Variants in RAX2 observed in about 807,000 individuals in gnomAD.
The protein encoded by RAX2 is retina and anterior neural fold homeobox 2, also known as retina and anterior neural fold homeobox protein 2.
A neutral mutation model predicts 5.8 loss-of-function variants in RAX2; 4 were observed. The ratio of observed to expected loss-of-function variants is 0.69; its 90% confidence interval spans 0.34 to 1.58. The LOEUF (loss-of-function observed/expected upper bound fraction) is 1.58, where lower values mean the gene tolerates loss of function less well. RAX2 is among the 40% of genes most tolerant of loss of function. The probability of loss-of-function intolerance (pLI) is 0.05; values close to 1 mark genes in which losing one functional copy is unlikely to be tolerated. For missense variants in RAX2, 275 were observed against 271.4 expected, an observed-to-expected ratio of 1.01 and a Z score of -0.09; for synonymous variants, 133 against 128.8, an observed-to-expected ratio of 1.03 and a Z score of -0.22.
chr19:3,771,020 G>T lies in RAX2; in HGVS notation c.217-61C>A. On this transcript the variant is annotated intron_variant, in intron 2 of 2. Transcript: ENST00000555633. The surrounding 1 kb of genome is among the most constrained non-coding windows in gnomAD (Gnocchi z 4.2). ...GCTCAGCCGCTCCCCGCCAATCCTC[G>T]GACCCCCTCTGCACACCCCAGCCCT... is the stretch of plus-strand genomic sequence containing the variant. 7.5e-7 allele frequency: 1 copy of T among 1,337,168 alleles called. No homozygotes were observed. 82.8% of individuals were successfully genotyped at this position (1,337,168 alleles called of 1,614,324 possible).
In RAX2 at chr19:3,771,370, C is replaced by T. The variant is rs146659569; in HGVS notation, c.216+157G>A. 2.6e-5 allele frequency among the ~76,000 whole-genome samples: 4 copies of T among 152,278 alleles called. No homozygotes were observed. Among genetic ancestry groups the T allele is most frequent in the Non-Finnish European group, 5.9e-5 (4 of 68,016 alleles). On this transcript the variant is annotated intron_variant, in intron 2 of 2. Transcript: ENST00000555633. This position sits in a 1 kb window ranked among gnomAD's most constrained non-coding sequence, Gnocchi z 4.2. The stretch of plus-strand genomic sequence containing the variant: ...AACTCCCCTTTTCCTTCCCAGCTGG[C>T]ACACTCCTACTCAAATGTCAAAACC...
chr19:3,771,718 G>A lies in RAX2; in HGVS notation c.25C>T (p.Pro9Ser), dbSNP rs1181819192. MFLSPGEG[P>S]ATEGGGLGPG... Reference sequence around the variant, plus strand: ...CCCAGACCCCCACCCTCGGTTGCCGGCCCCTCGCCCGGGCTCAGGAACATG... The same window carrying A: ...CCCAGACCCCCACCCTCGGTTGCCGACCCCTCGCCCGGGCTCAGGAACATG... The change falls in exon 2 of 3, where the codon CCG becomes TCG. Residue 9 changes from proline (P) to serine (S), a missense_variant. Transcript: ENST00000555633. The surrounding 1 kb of genome is among the most constrained non-coding windows in gnomAD (Gnocchi z 4.2). 1 of 1,607,040 alleles carries A rather than the reference G, an allele frequency of 6.2e-7. No homozygotes were observed. Among genetic ancestry groups the A allele is most frequent in the Admixed American group, 1.7e-5 (1 of 59,790 alleles).
rs759617501 is a variant in RAX2, at chr19:3,771,762, G to A, written c.-20C>T. The A allele has an allele frequency of 3.7e-5, 59 of 1,575,462 alleles. No individual in the cohort carries two copies. Among genetic ancestry groups the A allele is most frequent in the African/African-American group, 5.4e-5 (4 of 74,410 alleles). On this transcript the variant is annotated 5_prime_UTR_variant, in exon 2 of 3. Coordinates refer to ENST00000555633, the MANE Select transcript of RAX2 (RefSeq NM_001319074.4). The surrounding 1 kb of genome is among the most constrained non-coding windows in gnomAD (Gnocchi z 4.2). ...GAACATGGCTCCCACCTGGTGGGAC[G>A]GCAGCGGGACAGATGGTGGGGAGAC...
At position 3,769,644 on chromosome 19, in the gene RAX2, A is replaced by C. The variant is rs956803181; in HGVS notation, c.*977T>G. ...AGGTGGCGCTGGCCCAGACTGTCCC[A>C]TCCCATGCCTCAGGGCCCCCTCCTG... On this transcript the variant is annotated 3_prime_UTR_variant, in exon 3 of 3. Coordinates refer to ENST00000555633, the MANE Select transcript of RAX2 (RefSeq NM_001319074.4). 6.6e-6 allele frequency: 1 copy of C among 152,612 alleles called. No individual in the cohort carries two copies. The highest frequency in any genetic ancestry group is 1.5e-5 in the Non-Finnish European group (1 of 68,398). 9.5% of individuals were successfully genotyped at this position (152,612 alleles called of 1,614,324 possible).
Position 3,772,008 on chromosome 19 carries a change from G to T in RAX2, c.-266C>A. ...CTCTTCCCCTCTCTGTGACTGTCAC[G>T]GCCTGTGTGTGTGTGTGTCGGCGGG... On this transcript the variant is annotated splice_region_variant and 5_prime_UTR_variant, in exon 2 of 3. Coordinates refer to ENST00000555633, the MANE Select transcript of RAX2 (RefSeq NM_001319074.4). 1 of 556,886 alleles carries T rather than the reference G, an allele frequency of 1.8e-6. No individual in the cohort carries two copies. The highest frequency in any genetic ancestry group is 3.2e-6 in the Non-Finnish European group (1 of 313,022). The allele number at this position is 556,886 out of a possible 1,614,324, so 34.5% of individuals were successfully genotyped here. A position where few individuals can be genotyped will look rare whatever the true frequency, so the allele number is the denominator to read the frequency against.
At position 3,770,566 on chromosome 19, in the gene RAX2, G is replaced by T; in HGVS notation, c.*55C>A. 1 of 1,474,826 alleles carries T rather than the reference G, an allele frequency of 6.8e-7. No homozygotes were observed. Among genetic ancestry groups the T allele is most frequent in the Non-Finnish European group, 9.1e-7 (1 of 1,099,012 alleles). The allele number at this position is 1,474,826 out of a possible 1,614,324, so 91.4% of individuals were successfully genotyped here. A position where few individuals can be genotyped will look rare whatever the true frequency, so the allele number is the denominator to read the frequency against. On this transcript the variant is annotated 3_prime_UTR_variant, in exon 3 of 3. Transcript: ENST00000555633. ...CCAAGGCGTGGTGGCTGTCACCAGG[G>T]CACGTCCCCGGTTCTCGGGTTGGGC...
In RAX2 at chr19:3,769,323, A is replaced by G. The variant is rs2037224953; in HGVS notation, c.*1298T>C. ...TGCTGTGTCACCCAGGCTGGTCTCA[A>G]GCAATCCTCCCACCTCAGCCTCCCA... On this transcript the variant is annotated 3_prime_UTR_variant, in exon 3 of 3. Transcript: ENST00000555633. 6.6e-6 allele frequency: 1 copy of G among 152,198 alleles called. No homozygotes were observed. The highest frequency in any genetic ancestry group is 1.5e-5 in the Non-Finnish European group (1 of 68,098). 9.4% of individuals were successfully genotyped at this position (152,198 alleles called of 1,614,324 possible).
At position 3,771,854 on chromosome 19, in the gene RAX2, A is replaced by G; in HGVS notation, c.-112T>C. ...AGGCTTGCCTCCCGGCTCCGGGGAA[A>G]TCGGTTCCCTCCACTGGGGCCGGCA... is the stretch of plus-strand genomic sequence containing the variant. On this transcript the variant is annotated 5_prime_UTR_variant, in exon 2 of 3. Coordinates refer to ENST00000555633, the MANE Select transcript of RAX2 (RefSeq NM_001319074.4). The surrounding 1 kb of genome is among the most constrained non-coding windows in gnomAD (Gnocchi z 4.2). 2.1e-6 allele frequency: 3 copies of G among 1,458,772 alleles called. No individual in the cohort carries two copies. Among genetic ancestry groups the G allele is most frequent in the Non-Finnish European group, 2.7e-6 (3 of 1,107,274 alleles). 90.4% of individuals were successfully genotyped at this position (1,458,772 alleles called of 1,614,324 possible).
chr19:3,771,031 G>T lies in RAX2; in HGVS notation c.217-72C>A. On this transcript the variant is annotated intron_variant, in intron 2 of 2. Coordinates refer to ENST00000555633, the MANE Select transcript of RAX2 (RefSeq NM_001319074.4). The surrounding 1 kb of genome is among the most constrained non-coding windows in gnomAD (Gnocchi z 4.2). ...CCCCGCCAATCCTCGGACCCCCTCTGCACACCCCAGCCCTGGGGGTTCTGA... is the reference window on the plus strand; with the variant it reads ...CCCCGCCAATCCTCGGACCCCCTCTTCACACCCCAGCCCTGGGGGTTCTGA... 8.3e-7 allele frequency: 1 copy of T among 1,199,366 alleles called. No individual in the cohort carries two copies. The highest frequency in any genetic ancestry group is 1.2e-6 in the Non-Finnish European group (1 of 843,142). 74.3% of individuals were successfully genotyped at this position (1,199,366 alleles called of 1,614,324 possible). A position where few individuals can be genotyped will look rare whatever the true frequency, so the allele number is the denominator to read the frequency against.
rs1230148971 is a variant in RAX2, at chr19:3,770,730, T to C, written c.446A>G (p.His149Arg). 9 of 1,534,822 alleles carry C rather than the reference T, an allele frequency of 5.9e-6. No homozygotes were observed. Among genetic ancestry groups the C allele is most frequent in the Non-Finnish European group, 7.9e-6 (9 of 1,146,110 alleles). The change falls in exon 3 of 3, where the codon CAT (histidine) becomes CGT (arginine). Residue 149 changes from histidine (H) to arginine (R), a missense_variant. Physicochemically the swap from His to Arg is conservative, Grantham distance 29. Coordinates refer to ENST00000555633, the MANE Select transcript of RAX2 (RefSeq NM_001319074.4). ...ATCTGCGAAGGTGGGAGCAAAGGCA[T>C]GAGGCCCGAAGGACGCTTGCAGCCC... ...GPGLQASFGP[H>R]AFAPTFADGF...
At position 3,770,885 on chromosome 19, in the gene RAX2, A is replaced by G. The variant is rs1294479513; in HGVS notation, c.291T>C (p.Ala97=). ...RLESGSGAVA[A]PRLPEAPALP... The stretch of plus-strand genomic sequence containing the variant: ...GCGCTGGGGCCTCGGGGAGTCTCGG[A>G]GCTGCCACGGCACCCGAGCCTGACT... The change falls in exon 3 of 3, where the codon GCT becomes GCC. Residue 97 remains alanine, a synonymous_variant. Coordinates refer to ENST00000555633, the MANE Select transcript of RAX2 (RefSeq NM_001319074.4). The G allele has an allele frequency of 1.3e-5, 20 of 1,539,426 alleles. No homozygotes were observed. Among genetic ancestry groups the G allele is most frequent in the Non-Finnish European group, 1.7e-5 (19 of 1,149,316 alleles).
Position 3,770,470 on chromosome 19 carries a change from GTC to G in RAX2, c.*149_*150del, listed in dbSNP as rs765073500. The stretch of plus-strand genomic sequence containing the variant: ...ATGGGGGCAGGGAACCCAGCAGCCT[GTC>G]TCTCTGGTCCCGCTCCCCAGTGGTG... On this transcript the variant is annotated 3_prime_UTR_variant, in exon 3 of 3. Transcript: ENST00000555633. 4 of 644,818 alleles carry G rather than the reference GTC, an allele frequency of 6.2e-6. No homozygotes were observed. The Admixed American group carries it at 9.5e-5, about 15-fold the overall frequency. The allele number at this position is 644,818 out of a possible 1,614,324, so 39.9% of individuals were successfully genotyped here. A position where few individuals can be genotyped will look rare whatever the true frequency, so the allele number is the denominator to read the frequency against.
At position 3,770,206 on chromosome 19, in the gene RAX2, G is replaced by A. The variant is rs1421119688; in HGVS notation, c.*415C>T. The A allele has an allele frequency of 6.4e-5, 13 of 203,018 alleles. No individual in the cohort carries two copies. The highest frequency in any genetic ancestry group is 4.0e-4 in the Admixed American group (7 of 17,652). The allele number at this position is 203,018 out of a possible 1,614,324, so 12.6% of individuals were successfully genotyped here. On this transcript the variant is annotated 3_prime_UTR_variant, in exon 3 of 3. Coordinates refer to ENST00000555633, the MANE Select transcript of RAX2 (RefSeq NM_001319074.4). ...GGAGAGTGGGCAGCTCTGCTGATGGGGATTAGGAGAAGCAGAGAGATTTAC... is the reference window on the plus strand; with the variant it reads ...GGAGAGTGGGCAGCTCTGCTGATGGAGATTAGGAGAAGCAGAGAGATTTAC...
rs1203554366 is a variant in RAX2 at position 3,769,833 on chromosome 19, G to C, written c.*788C>G. On this transcript the variant is annotated 3_prime_UTR_variant, in exon 3 of 3. Coordinates refer to ENST00000555633, the MANE Select transcript of RAX2 (RefSeq NM_001319074.4). ...GGCCTGGGGTCTGTGGGGACGTGAG[G>C]AACGGTCTGACGATGACGACACACC... The C allele has an allele frequency of 6.5e-6, 1 of 152,758 alleles. No homozygotes were observed. Among genetic ancestry groups the C allele is most frequent in the Non-Finnish European group, 1.5e-5 (1 of 68,512 alleles). 9.5% of individuals were successfully genotyped at this position (152,758 alleles called of 1,614,324 possible).
rs374872032 is a variant in RAX2, at chr19:3,771,565, G to A, written c.178C>T (p.Leu60=). Residue 60 remains leucine (L), a synonymous_variant, in exon 2 of 3, where the codon CTG becomes TTG. Transcript: ENST00000555633. This position sits in a 1 kb window ranked among gnomAD's most constrained non-coding sequence, Gnocchi z 4.2. ...HYPDVYSREE[L]AAKVHLPEVR... is the part of the protein sequence containing the mutation. ...TCAGGTAGGTGCACCTTGGCTGCCAGCTCCTCACGGCTGTACACATCCGGG... is the reference window on the plus strand; with the variant it reads ...TCAGGTAGGTGCACCTTGGCTGCCAACTCCTCACGGCTGTACACATCCGGG... 2.2e-5 allele frequency: 36 copies of A among 1,609,762 alleles called. No individual in the cohort carries two copies. Among genetic ancestry groups the A allele is most frequent in the Non-Finnish European group, 2.9e-5 (34 of 1,178,592 alleles).
rs553002220 is a variant in RAX2, at chr19:3,771,673, T to C, written c.70A>G (p.Lys24Glu). Reference sequence around the variant, plus strand: ...GTGCGGTTCCTCCGGTGCTTCTTCTTGGGGGCCTCCTCGCCCGGCCCCAGA... The same window carrying C: ...GTGCGGTTCCTCCGGTGCTTCTTCTCGGGGGCCTCCTCGCCCGGCCCCAGA... Reference protein sequence around the residue: ...GGLGPGEEAPKKKHRRNRTTF... With the variant: ...GGLGPGEEAPEKKHRRNRTTF... Residue 24 changes from lysine to glutamate, a missense_variant, in exon 2 of 3, where the codon AAG (lysine) becomes GAG (glutamate). Lys to Glu is a moderately conservative substitution (Grantham distance 56). Coordinates refer to ENST00000555633, the MANE Select transcript of RAX2 (RefSeq NM_001319074.4). The surrounding 1 kb of genome is among the most constrained non-coding windows in gnomAD (Gnocchi z 4.2). 2.5e-6 allele frequency: 4 copies of C among 1,613,166 alleles called. No individual in the cohort carries two copies. Among genetic ancestry groups the C allele is most frequent in the South Asian group, 1.1e-5 (1 of 91,052 alleles).
Position 3,771,949 on chromosome 19 carries a change from TC to T in RAX2, c.-208del. The T allele has an allele frequency of 2.3e-6, 2 of 875,326 alleles. No individual in the cohort carries two copies. Among genetic ancestry groups the T allele is most frequent in the Non-Finnish European group, 3.4e-6 (2 of 590,218 alleles). The allele number at this position is 875,326 out of a possible 1,614,324, so 54.2% of individuals were successfully genotyped here. ...CTCCTGCTGTGCCTCTGTCTGCTCT[TC>T]CTTCTCTCTGTGTGTGTCACCGTCC... is the stretch of plus-strand genomic sequence containing the variant. On this transcript the variant is annotated 5_prime_UTR_variant, in exon 2 of 3. Transcript: ENST00000555633. This position sits in a 1 kb window ranked among gnomAD's most constrained non-coding sequence, Gnocchi z 4.2.
At position 3,770,513 on chromosome 19, in the gene RAX2, C is replaced by T. The variant is rs905498355; in HGVS notation, c.*108G>A. On this transcript the variant is annotated 3_prime_UTR_variant, in exon 3 of 3. Coordinates refer to ENST00000555633, the MANE Select transcript of RAX2 (RefSeq NM_001319074.4). ...CCCAGTGGTGGTGGCCTGGCCTGAC[C>T]ACGGTTGCTCCATGACCTCGGCCTA... is the stretch of plus-strand genomic sequence containing the variant. 2 of 1,030,228 alleles carry T rather than the reference C, an allele frequency of 1.9e-6. No individual in the cohort carries two copies. Among genetic ancestry groups the T allele is most frequent in the Non-Finnish European group, 2.8e-6 (2 of 718,734 alleles). 63.8% of individuals were successfully genotyped at this position (1,030,228 alleles called of 1,614,324 possible).
rs914577108 is a variant in RAX2, at chr19:3,771,290, G to A, written c.216+237C>T. Among the ~76,000 whole-genome samples the A allele has an allele frequency of 3.3e-5, 5 of 152,052 alleles. No individual in the cohort carries two copies. The highest frequency in any genetic ancestry group is 9.7e-5 in the African/African-American group (4 of 41,408). On this transcript the variant is annotated intron_variant, in intron 2 of 2. Coordinates refer to ENST00000555633, the MANE Select transcript of RAX2 (RefSeq NM_001319074.4). The surrounding 1 kb of genome is among the most constrained non-coding windows in gnomAD (Gnocchi z 4.2). ...CCTTCACCCCTGGCTCAAGGGAAAC[G>A]CCTCCAACTTAACCCCTCCATGTCT...
Sources: gnomAD v4.1 joint callset for allele counts (sites outside exome capture counted in the v4.1 genomes callset) on GRCh38, gnomAD v4.1.1 for gene constraint, Gnocchi (gnomAD v3.1) non-coding constraint, MANE v1.5 for transcripts, NCBI Gene and HGNC (gene_info 2026-07-23, HGNC 2026-07-21) for gene names.